The following ZNF280C variants were observed in gnomAD, a reference collection of about 807,000 sequenced individuals.
ZNF280C encodes the protein suppressor of hairy wing homolog 3.
Under a neutral mutation model 53.6 loss-of-function variants are expected in ZNF280C, and 14 were observed. The ratio of observed to expected loss-of-function variants is 0.26; its 90% CI spans 0.17 to 0.41. The LOEUF is 0.41. Ranked by LOEUF, ZNF280C falls within the 10% of genes least tolerant of loss-of-function variation. The pLI, the probability that ZNF280C is intolerant of heterozygous loss-of-function variation, is 1.00. For missense variants in ZNF280C, 416 were observed against 547.1 expected (o/e 0.76, Z 2.39); for synonymous variants, 203 against 181.1 (o/e 1.12, Z -0.97).
chrX:130,242,793 C>T (rs374668742), intron 5 of ZNF280C, among the ~76,000 whole-genome samples: 16 of 111,982 alleles, frequency 1.4e-4, no homozygotes, highest in African/African-American at 4.9e-4. Flanking sequence ...CCACCCACCT[C>T]GGCCTCCCAA....
At chrX:130,254,309 G>C (rs984155911) in intron 2 of ZNF280C, among the ~76,000 whole-genome samples, 4 of 112,043 alleles carry the variant, frequency 3.6e-5, no homozygotes, top group African/African-American at 1.3e-4. Flanking sequence ...ACTGTTGGTG[G>C]GAGTGTAAAT....
chrX:130,267,790 G>T (rs183191537), intron 1 of ZNF280C, among the ~76,000 whole-genome samples: 1 of 111,681 alleles, frequency 9.0e-6, no homozygotes, highest in East Asian at 2.8e-4. Flanking sequence ...TCTACTTCTA[G>T]GTTTCTATTT....
chrX:130,254,575 C>A (rs1053526448), intron 2 of ZNF280C, among the ~76,000 whole-genome samples: 1 of 111,702 alleles, frequency 9.0e-6, no homozygotes, highest in African/African-American at 3.3e-5. Flanking sequence ...AACTTTGCAG[C>A]CATAAAAAAG....
chrX:130,229,669 T>C (rs894078456), intron 9 of ZNF280C, among the ~76,000 whole-genome samples: 5 of 112,324 alleles, frequency 4.5e-5, no homozygotes, highest in African/African-American at 1.3e-4. Flanking sequence ...CCTTTTGTTT[T>C]ATCTAATTAT....
intron 11 of ZNF280C, among the ~76,000 whole-genome samples, chrX:130,227,387 A>G (rs2032231275): frequency 1.8e-5 from 2 of 111,495 alleles, no homozygotes; most frequent in Middle Eastern, 4.6e-3. Context: ...TTTCTCTAGC[A>G]TATCTATAAT....
At chrX:130,228,092 A>G (rs774791964) in intron 10 of ZNF280C, among the ~76,000 whole-genome samples, 2 of 111,642 alleles carry the variant, frequency 1.8e-5, no homozygotes, top group East Asian at 2.8e-4. Context: ...ATCTGAACCA[A>G]ATTTGTCCGC....
At chrX:130,206,361 GTTTTTTTTT>G (rs1048503644) in intron 16 of ZNF280C, among the ~76,000 whole-genome samples, 1 of 73,482 alleles carries the variant, frequency 1.4e-5, no homozygotes, top group Admixed American at 1.7e-4. Context: ...GACTTCTTTA[GTTTTTTTTT>G]TTTTTTTTTT....
chrX:130,258,202 A>G (rs904417839), intron 2 of ZNF280C, among the ~76,000 whole-genome samples: 7 of 112,400 alleles, frequency 6.2e-5, no homozygotes, highest in African/African-American at 2.3e-4. Context: ...GGGGACAACT[A>G]TAAGAATAAA....
rs1416527408 is a variant in ZNF280C, at chrX:130,236,587, G to C, written c.546C>G (p.Asn182Lys). ...VLKHPSTSKV[N>K]SVTPKKPKTS... ...TCTTTGGTTTTTTTGGAGTAACACT[G>C]TTTACTTTAGAAGTAGAAGGATGTT... The change falls in exon 7 of 19, where the codon AAC becomes AAG. Residue 182 changes from asparagine to lysine, a missense_variant. Physicochemically the swap from Asn to Lys is moderately conservative, Grantham distance 94. Transcript: ENST00000370978. 8.4e-7 allele frequency: 1 copy of C among 1,196,459 alleles called. No homozygotes were observed. Among genetic ancestry groups the C allele is most frequent in the African/African-American group, 1.8e-5 (1 of 56,620 alleles).
At chrX:130,249,321 A>T (rs763316050) in intron 2 of ZNF280C, among the ~76,000 whole-genome samples, 1 of 111,686 alleles carries the variant, frequency 9.0e-6, no homozygotes, top group East Asian at 2.8e-4. Context: ...ATGAGTGTGC[A>T]CTCTGCTGTG....
intron 3 of ZNF280C, among the ~76,000 whole-genome samples, chrX:130,245,372 AG>A (rs1168445767): frequency 8.9e-6 from 1 of 111,973 alleles, no homozygotes; most frequent in Non-Finnish European, 1.9e-5. Context: ...CACAGTGACT[AG>A]AAATAATAAG....
intron 2 of ZNF280C, among the ~76,000 whole-genome samples, chrX:130,260,155 G>A (rs940539968): frequency 2.7e-5 from 3 of 110,263 alleles, no homozygotes; most frequent in Non-Finnish European, 5.7e-5. Context: ...GGTGGTGGGC[G>A]CCTGTAATCC....
chrX:130,215,944 G>A lies in ZNF280C; in HGVS notation c.1685C>T (p.Thr562Ile), dbSNP rs1454141134. The change falls in exon 14 of 19, where the codon ACA (threonine) becomes ATA (isoleucine). Residue 562 changes from threonine (T) to isoleucine (I), a missense_variant. Transcript: ENST00000370978. ...GGATGTAGTTGCATGAAGCTTACTT[G>A]TCTTAGATCTACTGGCATTAGATTT... The part of the protein sequence containing the change: ...PRKSNASRSK[T>I]SKLHATTSTA... 1 of 1,211,074 alleles carries A rather than the reference G, an allele frequency of 8.3e-7. No individual in the cohort carries two copies. Among genetic ancestry groups the A allele is most frequent in the Non-Finnish European group, 1.1e-6 (1 of 895,296 alleles).
At chrX:130,223,086 G>A (rs1014559753) in intron 12 of ZNF280C, among the ~76,000 whole-genome samples, 1 of 109,793 alleles carries the variant, frequency 9.1e-6, no homozygotes, top group African/African-American at 3.3e-5. Flanking sequence ...CTTTTGAGAC[G>A]GAGTCTTGCT....
intron 2 of ZNF280C, among the ~76,000 whole-genome samples, chrX:130,250,152 T>C: frequency 8.9e-6 from 1 of 111,766 alleles, no homozygotes; most frequent in Middle Eastern, 4.6e-3. Flanking sequence ...AATATGGGAT[T>C]ATGTAAAGAG....
At chrX:130,209,520 C>T in intron 16 of ZNF280C, 133 bp downstream of exon 16, 2 of 535,439 alleles carry the variant, frequency 3.7e-6, no homozygotes, top group Non-Finnish European at 3.2e-6. Context: ...AGATGATAGG[C>T]TATCCCTCCA....
Position 130,220,467 on chromosome X carries a change from T to A in ZNF280C, c.1409A>T (p.His470Leu). The A allele has an allele frequency of 8.4e-7, 1 of 1,196,583 alleles. No homozygotes were observed. Among genetic ancestry groups the A allele is most frequent in the South Asian group, 1.9e-5 (1 of 53,197 alleles). Reference protein sequence around the residue: ...HYMKHQKKGVHRCPKCRLQFL... With the variant: ...HYMKHQKKGVLRCPKCRLQFL... ...TTGTAGTCTGCATTTTGGGCAACGA[T>A]GAACTCCTTTTTTCTGTTTACAGAA... Residue 470 changes from histidine to leucine, a missense_variant, in exon 13 of 19, where the codon CAT (histidine) becomes CTT (leucine). Coordinates refer to ENST00000370978, the MANE Select transcript of ZNF280C (RefSeq NM_017666.5).
At chrX:130,238,571 G>A (rs2032357028) in intron 6 of ZNF280C, among the ~76,000 whole-genome samples, 2 of 111,080 alleles carry the variant, frequency 1.8e-5, no homozygotes, top group Admixed American at 9.6e-5. Context: ...GAGAGTAGGA[G>A]TCACTGTCTT....
At chrX:130,260,062 C>A (rs1195730565) in intron 2 of ZNF280C, among the ~76,000 whole-genome samples, 1 of 110,995 alleles carries the variant, frequency 9.0e-6, no homozygotes, top group East Asian at 2.8e-4. Flanking sequence ...GCGGGTGGAT[C>A]ACGAAGTCAG....
Sources: allele counts gnomAD v4.1 joint callset (sites outside exome capture counted in the v4.1 genomes callset), GRCh38; gene constraint gnomAD v4.1.1; transcripts MANE v1.5; gene names NCBI Gene and HGNC (gene_info 2026-07-23, HGNC 2026-07-21).